Variants in ARL15 observed in about 807,000 individuals in gnomAD.
The protein encoded by ARL15 is ARF like GTPase 15.
ARL15 carries 19 observed loss-of-function variants against 25.2 expected under a neutral mutation model. That is an observed-to-expected ratio of 0.75 (90% confidence interval 0.53 to 1.10). The LOEUF (loss-of-function observed/expected upper bound fraction) is 1.10. Among genes scored for constraint, ARL15 ranks in the 50% least tolerant of loss-of-function variants. The pLI is 0.00. For missense variants in ARL15, 220 were observed against 246.0 expected (o/e 0.89, Z 0.71); for synonymous variants, 94 against 86.8 (o/e 1.08, Z -0.46).
In ARL15 at chr5:53,886,520, A is replaced by G. The variant is rs1430244371; in HGVS notation, c.*41T>C. 8.6e-6 allele frequency: 13 copies of G among 1,516,944 alleles called. No homozygotes were observed. The highest frequency in any genetic ancestry group is 1.1e-5 in the Non-Finnish European group (13 of 1,135,068). 94.0% of individuals were successfully genotyped at this position (1,516,944 alleles called of 1,614,324 possible). On this transcript the variant is annotated 3_prime_UTR_variant, in exon 5 of 5. Transcript: ENST00000504924. ...AATTAAAATGAGAAACTAACATGAT[A>G]GGTTCAAGGCCTTTTGGGAGCCTGT...
chr5:54,069,479 G>A (rs1751349063), intron 4 of ARL15, among the ~76,000 whole-genome samples: 2 of 138,120 alleles, frequency 1.4e-5, no homozygotes, highest in Admixed American at 1.6e-4. Flanking sequence ...GCTTAGGCAG[G>A]AGAATCACTT....
At chr5:54,245,863 C>T (rs1020797155) in intron 1 of ARL15, among the ~76,000 whole-genome samples, 6 of 152,136 alleles carry the variant, frequency 3.9e-5, no homozygotes, top group African/African-American at 1.4e-4. Flanking sequence ...GCTGAGATTA[C>T]GGGCACGAGC....
At chr5:53,975,314 G>A (rs1362744613) in intron 4 of ARL15, among the ~76,000 whole-genome samples, 1 of 152,138 alleles carries the variant, frequency 6.6e-6, no homozygotes, top group Non-Finnish European at 1.5e-5. Context: ...CAGCAAGCTG[G>A]GACTTGATTT....
chr5:54,166,240 G>A (rs370995540), intron 2 of ARL15, among the ~76,000 whole-genome samples: 23 of 151,854 alleles, frequency 1.5e-4, no homozygotes, highest in African/African-American at 5.3e-4. Context: ...TGTCACCCAG[G>A]TTGGAGTAAA....
At chr5:54,179,852 T>C (rs768026798) in intron 1 of ARL15, among the ~76,000 whole-genome samples, 3 of 151,890 alleles carry the variant, frequency 2.0e-5, no homozygotes, top group Non-Finnish European at 4.4e-5. Flanking sequence ...ACCCCGTCTC[T>C]ACTAAAAATA....
intron 4 of ARL15, among the ~76,000 whole-genome samples, chr5:53,909,909 A>G: frequency 6.6e-6 from 1 of 152,314 alleles, no homozygotes; most frequent in Non-Finnish European, 1.5e-5. Flanking sequence ...TTCTCCTCAT[A>G]TAATAGTATC....
At chr5:54,046,754 G>A (rs1387413050) in intron 4 of ARL15, among the ~76,000 whole-genome samples, 1 of 152,156 alleles carries the variant, frequency 6.6e-6, no homozygotes, top group African/African-American at 2.4e-5. Flanking sequence ...CTAAATTCAG[G>A]TAAGTAGATG....
chr5:54,251,122 T>C (rs573790624), intron 1 of ARL15, among the ~76,000 whole-genome samples: 4 of 132,190 alleles, frequency 3.0e-5, no homozygotes, highest in Non-Finnish European at 5.4e-5. Flanking sequence ...TAGAAAGTGA[T>C]TCACTTGAAA....
At chr5:53,957,754 G>A (rs956449313) in intron 4 of ARL15, among the ~76,000 whole-genome samples, 3 of 152,158 alleles carry the variant, frequency 2.0e-5, no homozygotes, top group Non-Finnish European at 4.4e-5. Flanking sequence ...AGCCCGGAAG[G>A]TCAAGGCTGC....
intron 4 of ARL15, among the ~76,000 whole-genome samples, chr5:53,987,684 T>G (rs1748340506): frequency 6.6e-6 from 1 of 152,200 alleles, no homozygotes; most frequent in Non-Finnish European, 1.5e-5. Flanking sequence ...GACTCGATGG[T>G]TCACACCTGT....
intron 3 of ARL15, among the ~76,000 whole-genome samples, chr5:54,151,273 T>A (rs277321): frequency 6.6e-6 from 1 of 152,000 alleles, no homozygotes; most frequent in Non-Finnish European, 1.5e-5. Flanking sequence ...AATAGCAAAA[T>A]AGAAATGGCC....
At chr5:53,951,463 T>C (rs1326806362) in intron 4 of ARL15, 2 of 469,042 alleles carry the variant, frequency 4.3e-6, no homozygotes, top group African/African-American at 2.0e-5. Context: ...ATTTATCTTC[T>C]TGCATACTCA....
chr5:53,961,904 T>C (rs888256191), intron 4 of ARL15, among the ~76,000 whole-genome samples: 3 of 152,186 alleles, frequency 2.0e-5, no homozygotes, highest in Non-Finnish European at 2.9e-5. Context: ...GGTCTTTCGA[T>C]AGCAGCACAT....
At chr5:53,986,978 G>A (rs1022863153) in intron 4 of ARL15, among the ~76,000 whole-genome samples, 19 of 152,146 alleles carry the variant, frequency 1.2e-4, no homozygotes, top group African/African-American at 4.3e-4. Flanking sequence ...ACTAGAAGGG[G>A]TAGGGTGGTA....
intron 1 of ARL15, among the ~76,000 whole-genome samples, chr5:54,178,905 T>A (rs1448650181): frequency 2.6e-5 from 4 of 152,178 alleles, no homozygotes; most frequent in Non-Finnish European, 4.4e-5. Flanking sequence ...CTGCTTGAGC[T>A]CTGTAGGAGA....
At chr5:53,918,985 G>C (rs996871164) in intron 4 of ARL15, among the ~76,000 whole-genome samples, 1 of 152,046 alleles carries the variant, frequency 6.6e-6, no homozygotes, top group Non-Finnish European at 1.5e-5. Flanking sequence ...TTCCTCCACT[G>C]GTTTTGTCTT....
chr5:54,188,585 A>G (rs931255533), intron 1 of ARL15, among the ~76,000 whole-genome samples: 1 of 152,184 alleles, frequency 6.6e-6, no homozygotes, highest in African/African-American at 2.4e-5. Context: ...CATCACCAAC[A>G]GAGTATATAA....
intron 1 of ARL15, among the ~76,000 whole-genome samples, chr5:54,193,405 G>A (rs1279668053): frequency 1.3e-5 from 2 of 152,110 alleles, no homozygotes; most frequent in Non-Finnish European, 2.9e-5. Context: ...TGGCCTGTTC[G>A]GAACCAGGCC....
intron 4 of ARL15, among the ~76,000 whole-genome samples, chr5:54,034,724 T>C (rs950459773): frequency 6.6e-6 from 1 of 152,068 alleles, no homozygotes; most frequent in African/African-American, 2.4e-5. Flanking sequence ...AGTGGCACAA[T>C]CATAGCTCAC....
Sources: gnomAD v4.1 joint callset for allele counts (sites outside exome capture counted in the v4.1 genomes callset) on GRCh38, gnomAD v4.1.1 for gene constraint, MANE v1.5 for transcripts, NCBI Gene and HGNC (gene_info 2026-07-23, HGNC 2026-07-21) for gene names.